The following KLHDC1 variants were observed in gnomAD, a reference collection of about 807,000 sequenced individuals.
KLHDC1 encodes kelch domain-containing protein 1.
KLHDC1 carries 53 observed loss-of-function variants against 68.3 expected under a neutral mutation model. That is an observed-to-expected ratio of 0.78 (90% CI 0.62 to 0.98). KLHDC1 has a LOEUF of 0.98. Ranked by LOEUF, KLHDC1 falls within the 50% of genes least tolerant of loss-of-function variation. The probability of loss-of-function intolerance (pLI) is 0.00; values close to 1 mark genes in which losing one functional copy is unlikely to be tolerated. For synonymous variants in KLHDC1, 148 were observed against 159.0 expected, an observed-to-expected ratio of 0.93 and a Z score of 0.52; for missense variants, 470 against 492.3, an observed-to-expected ratio of 0.95 and a Z score of 0.43.
chr14:49,698,950 G>A (rs1328438775), intron 1 of KLHDC1, among the ~76,000 whole-genome samples: 1 of 151,802 alleles, frequency 6.6e-6, no homozygotes, highest in African/African-American at 2.4e-5. Flanking sequence ...GGATCACGAG[G>A]GCAGGAGATC....
intron 1 of KLHDC1, among the ~76,000 whole-genome samples, chr14:49,697,270 AAGG>A (rs1268013713): frequency 6.6e-6 from 1 of 152,164 alleles, no homozygotes; most frequent in Non-Finnish European, 1.5e-5. Flanking sequence ...CTGAGGGAAT[AAGG>A]AGGTCCAAGG....
chr14:49,708,873 T>G (rs1391987801), intron 1 of KLHDC1: 1 of 188,270 alleles, frequency 5.3e-6, no homozygotes, highest in Non-Finnish European at 1.1e-5. Flanking sequence ...TGTTTTGCTA[T>G]TTTCTTTTAC....
At chr14:49,742,679 A>T (rs1179714481) in intron 11 of KLHDC1, among the ~76,000 whole-genome samples, 1 of 125,552 alleles carries the variant, frequency 8.0e-6, no homozygotes, top group Non-Finnish European at 1.8e-5. Flanking sequence ...TCCTAAAAAA[A>T]AAAAAAAAAA....
At chr14:49,745,397 C>A (rs1203391132) in intron 12 of KLHDC1, among the ~76,000 whole-genome samples, 1 of 152,148 alleles carries the variant, frequency 6.6e-6, no homozygotes, top group Non-Finnish European at 1.5e-5. Context: ...TCCTCATATG[C>A]AGGGATCAAG....
intron 4 of KLHDC1, among the ~76,000 whole-genome samples, chr14:49,711,174 CTTTA>C (rs1023287261): frequency 6.8e-4 from 102 of 150,890 alleles, no homozygotes; most frequent in Middle Eastern, 3.4e-3. Context: ...TGTGTTTTTA[CTTTA>C]TTTATTTATT....
At chr14:49,721,354 T>C (rs1888520898) in intron 4 of KLHDC1, among the ~76,000 whole-genome samples, 1 of 151,964 alleles carries the variant, frequency 6.6e-6, no homozygotes, top group Non-Finnish European at 1.5e-5. Flanking sequence ...TTTTTTTAAA[T>C]TTTATTTCTT....
intron 2 of KLHDC1, 108 bp from the exon 3 acceptor site, chr14:49,709,599 CTG>C: frequency 1.9e-6 from 1 of 538,942 alleles, no homozygotes; most frequent in Admixed American, 3.5e-5. Context: ...TACATTGTAA[CTG>C]TAATTGACAG....
intron 1 of KLHDC1, among the ~76,000 whole-genome samples, chr14:49,707,500 ACCACG>A (rs1421485892): frequency 1.3e-5 from 2 of 151,312 alleles, no homozygotes; most frequent in African/African-American, 4.9e-5. Context: ...GTCATGCACC[ACCACG>A]CCCAGCTAAT....
At chr14:49,723,780 T>C (rs960761210) in intron 4 of KLHDC1, 94 bp from the exon 5 acceptor site, 4 of 654,842 alleles carry the variant, frequency 6.1e-6, no homozygotes, top group Non-Finnish European at 7.9e-6. Flanking sequence ...GATTTTGTGT[T>C]TGGGTTGTTA....
Position 49,729,547 on chromosome 14 carries a change from A to G in KLHDC1, c.709A>G (p.Arg237Gly). The stretch of plus-strand genomic sequence containing the variant: ...CCTAGACACCTGGACTTGGTCTGGA[A>G]GGTAAGTTTGAAGTCTAAGTACGTT... The part of the protein sequence containing the change: ...LNLDTWTWSG[R>G]ITINGESPKH... Residue 237 changes from arginine (R) to glycine (G), a missense_variant and splice_region_variant, in exon 8 of 13, where the codon AGG (arginine) becomes GGG (glycine). Coordinates refer to ENST00000359332, the MANE Select transcript of KLHDC1 (RefSeq NM_172193.3). The G allele has an allele frequency of 1.9e-6, 3 of 1,601,776 alleles. No individual in the cohort carries two copies. Among genetic ancestry groups the G allele is most frequent in the Non-Finnish European group, 1.7e-6 (2 of 1,169,338 alleles).
chr14:49,725,883 T>C, intron 6 of KLHDC1, 114 bp downstream of exon 6: 1 of 588,580 alleles, frequency 1.7e-6, no homozygotes, highest in Non-Finnish European at 3.0e-6. Flanking sequence ...AGTCTTGCTC[T>C]GTTGCCCAGG....
intron 4 of KLHDC1, among the ~76,000 whole-genome samples, chr14:49,714,884 A>G (rs1168417825): frequency 6.8e-6 from 1 of 147,588 alleles, no homozygotes; most frequent in Non-Finnish European, 1.5e-5. Flanking sequence ...ATACTTTTAC[A>G]TGTATACTTA....
At chr14:49,743,072 C>CAAAAA (rs55778725) in intron 11 of KLHDC1, among the ~76,000 whole-genome samples, 1 of 58,354 alleles carries the variant, frequency 1.7e-5, no homozygotes, top group Non-Finnish European at 3.0e-5. Flanking sequence ...ACCCTGTCTC[C>CAAAAA]AAAAAAAAAA....
At chr14:49,693,325 C>T in intron 1 of KLHDC1, 35 bp downstream of exon 1, 1 of 1,381,952 alleles carries the variant, frequency 7.2e-7, no homozygotes, top group Non-Finnish European at 9.6e-7. Context: ...TAGACTCGCG[C>T]CGGGAGACCC....
At chr14:49,714,693 G>A (rs868123717) in intron 4 of KLHDC1, among the ~76,000 whole-genome samples, 9 of 151,786 alleles carry the variant, frequency 5.9e-5, no homozygotes, top group African/African-American at 2.2e-4. Flanking sequence ...TGAGGCAGGA[G>A]GATATGTATA....
At chr14:49,709,073 A>G in intron 1 of KLHDC1, 86 bp from the exon 2 acceptor site, 1 of 630,544 alleles carries the variant, frequency 1.6e-6, no homozygotes, top group Non-Finnish European at 2.8e-6. Context: ...ATAGTATTTT[A>G]TTAGCAATTT....
At chr14:49,712,949 CTTT>C (rs765770912) in intron 4 of KLHDC1, among the ~76,000 whole-genome samples, 8 of 136,932 alleles carry the variant, frequency 5.8e-5, no homozygotes, top group Non-Finnish European at 1.1e-4. Context: ...CCATAGCTAA[CTTT>C]TTTTTTTTTT....
Position 49,709,787 on chromosome 14 carries a change from C to G in KLHDC1, c.246C>G (p.Tyr82Ter), listed in dbSNP as rs750721789. ...GTGCTTGCATTAATGGAAAGCTGTA[C>G]ATTTTTGGAGGATATGATGACAAAG... is the stretch of plus-strand genomic sequence containing the variant. ...SCGACINGKLYIFGGYDDKGY... is the reference protein window; with the variant it reads ...SCGACINGKL The change falls in exon 3 of 13, where the codon TAC becomes TAG. Residue 82 changes from tyrosine to a stop codon, truncating the protein, a stop_gained. Coordinates refer to ENST00000359332, the MANE Select transcript of KLHDC1 (RefSeq NM_172193.3). LOFTEE classifies it high-confidence loss of function. 32 of 1,601,712 alleles carry G rather than the reference C, an allele frequency of 2.0e-5. No homozygotes were observed. The highest frequency in any genetic ancestry group is 5.2e-5 in the Admixed American group (3 of 57,924).
chr14:49,741,374 C>T (rs1359374395), intron 11 of KLHDC1, among the ~76,000 whole-genome samples: 2 of 151,384 alleles, frequency 1.3e-5, no homozygotes, highest in Non-Finnish European at 2.9e-5. Flanking sequence ...GGCATGATCT[C>T]GGTTCGCTGC....
Sources: allele counts gnomAD v4.1 joint callset (sites outside exome capture counted in the v4.1 genomes callset), GRCh38; gene constraint gnomAD v4.1.1; transcripts MANE v1.5; gene names NCBI Gene and HGNC (gene_info 2026-07-23, HGNC 2026-07-21).